Variants in HS3ST5 observed in about 807,000 individuals in gnomAD.
HS3ST5 encodes the protein heparan sulfate-glucosamine 3-sulfotransferase 5.
In HS3ST5, 10 loss-of-function variants were observed where a neutral mutation model predicts 25.4. The observed-to-expected ratio is 0.39, with a 90% CI of 0.24 to 0.67. The LOEUF (loss-of-function observed/expected upper bound fraction) is 0.67, where lower values mean the gene tolerates loss of function less well. HS3ST5 is among the 30% of genes least tolerant of loss of function. The pLI is 0.44. For synonymous variants in HS3ST5, 170 were observed against 162.4 expected (o/e 1.05, Z -0.36); for missense variants, 324 against 420.7 (o/e 0.77, Z 2.01).
At chr6:114,076,166 A>C (rs1774118971) in intron 3 of HS3ST5, among the ~76,000 whole-genome samples, 1 of 152,188 alleles carries the variant, frequency 6.6e-6, no homozygotes, top group Non-Finnish European at 1.5e-5. Context: ...TCTCCATTTC[A>C]TGTTCCCTTC....
chr6:114,216,405 G>A (rs1472348803), intron 2 of HS3ST5, among the ~76,000 whole-genome samples: 1 of 152,118 alleles, frequency 6.6e-6, no homozygotes, highest in African/African-American at 2.4e-5. Context: ...TTTATACTCT[G>A]TGGTCCCAAA....
chr6:114,200,794 C>T (rs1454196652), intron 2 of HS3ST5, among the ~76,000 whole-genome samples: 2 of 152,096 alleles, frequency 1.3e-5, no homozygotes, highest in Non-Finnish European at 2.9e-5. Context: ...GAAAAAGAGA[C>T]AAAATAACAA....
chr6:114,283,408 T>A (rs1051284137), intron 1 of HS3ST5, among the ~76,000 whole-genome samples: 1 of 152,008 alleles, frequency 6.6e-6, no homozygotes, highest in African/African-American at 2.4e-5. Flanking sequence ...ATATAAATGC[T>A]ATCAAGACTA....
intron 3 of HS3ST5, among the ~76,000 whole-genome samples, chr6:114,136,599 A>G (rs1777627518): frequency 6.6e-6 from 1 of 152,214 alleles, no homozygotes; most frequent in Admixed American, 6.5e-5. Context: ...CATTAACTTG[A>G]AATCCTTCAG....
chr6:114,068,294 G>C (rs144101671), intron 3 of HS3ST5, among the ~76,000 whole-genome samples: 3 of 152,222 alleles, frequency 2.0e-5, no homozygotes, highest in Non-Finnish European at 4.4e-5. Flanking sequence ...TGCCAAGCCA[G>C]AAGTTTCTAA....
chr6:114,318,301 C>T (rs915859773), intron 1 of HS3ST5, among the ~76,000 whole-genome samples: 2 of 152,180 alleles, frequency 1.3e-5, no homozygotes, highest in African/African-American at 4.8e-5. Flanking sequence ...AACTCAACTT[C>T]AATCCCTTCA....
At chr6:114,341,258 A>AGAGAGAGAGAGAGT (rs1562281461) in intron 1 of HS3ST5, among the ~76,000 whole-genome samples, 6 of 147,844 alleles carry the variant, frequency 4.1e-5, no homozygotes, top group African/African-American at 1.5e-4. Flanking sequence ...AGAGAGAGAG[A>AGAGAGAGAGAGAGT]GAGTGAGTCC....
intron 3 of HS3ST5, among the ~76,000 whole-genome samples, chr6:114,156,441 T>G (rs1270877683): frequency 6.6e-6 from 1 of 152,254 alleles, no homozygotes; most frequent in Non-Finnish European, 1.5e-5. Context: ...ATTTTGTAGT[T>G]GTGCTTAAGT....
At chr6:114,341,120 C>T (rs1351097985) in intron 1 of HS3ST5, among the ~76,000 whole-genome samples, 1 of 136,008 alleles carries the variant, frequency 7.4e-6, no homozygotes, top group Non-Finnish European at 1.6e-5. Context: ...TAAGAAGAAA[C>T]TGGTATTCGT....
intron 1 of HS3ST5, among the ~76,000 whole-genome samples, chr6:114,245,856 G>A (rs1183356369): frequency 6.6e-6 from 1 of 152,172 alleles, no homozygotes; most frequent in Non-Finnish European, 1.5e-5. Flanking sequence ...ATACATGTGG[G>A]ACCCAAACCC....
intron 3 of HS3ST5, among the ~76,000 whole-genome samples, chr6:114,162,934 C>T (rs1330157389): frequency 2.0e-5 from 3 of 152,134 alleles, no homozygotes; most frequent in African/African-American, 7.2e-5. Flanking sequence ...CCTGCCTTTT[C>T]TCCTTAATTA....
chr6:114,285,808 C>A (rs752560784), intron 1 of HS3ST5, among the ~76,000 whole-genome samples: 18 of 151,844 alleles, frequency 1.2e-4, no homozygotes, highest in Non-Finnish European at 2.5e-4. Flanking sequence ...GCACATGTAT[C>A]CTGGAACTTA....
chr6:114,226,257 T>C (rs904251152), intron 2 of HS3ST5, among the ~76,000 whole-genome samples: 3 of 151,958 alleles, frequency 2.0e-5, no homozygotes, highest in Admixed American at 6.6e-5. Flanking sequence ...TTTGAAATTA[T>C]CAGTGTTTAA....
intron 1 of HS3ST5, among the ~76,000 whole-genome samples, chr6:114,320,364 C>A (rs1775915081): frequency 6.6e-6 from 1 of 152,074 alleles, no homozygotes; most frequent in Admixed American, 6.6e-5. Flanking sequence ...TCTTTATATG[C>A]TGATTCATTA....
chr6:114,306,954 A>C (rs1775322108), intron 1 of HS3ST5, among the ~76,000 whole-genome samples: 1 of 152,190 alleles, frequency 6.6e-6, no homozygotes, highest in African/African-American at 2.4e-5. Context: ...TGACCACCTC[A>C]GTATAGGCAG....
intron 2 of HS3ST5, among the ~76,000 whole-genome samples, chr6:114,224,343 T>C (rs982057759): frequency 3.3e-5 from 5 of 151,648 alleles, no homozygotes; most frequent in Admixed American, 3.3e-4. Flanking sequence ...TTTCATGATA[T>C]GGTCTATTTT....
chr6:114,207,366 T>C (rs2114409102), intron 2 of HS3ST5, among the ~76,000 whole-genome samples: 2 of 152,310 alleles, frequency 1.3e-5, no homozygotes, highest in East Asian at 3.9e-4. Context: ...ATATATATTA[T>C]GGACAAAACA....
chr6:114,098,641 G>A (rs941679863), intron 3 of HS3ST5, among the ~76,000 whole-genome samples: 1 of 151,302 alleles, frequency 6.6e-6, no homozygotes, highest in Non-Finnish European at 1.5e-5. Context: ...AATACTTGAT[G>A]AATGGGCATA....
intron 3 of HS3ST5, among the ~76,000 whole-genome samples, chr6:114,163,668 T>C (rs1054101501): frequency 1.3e-5 from 2 of 152,152 alleles, no homozygotes; most frequent in African/African-American, 2.4e-5. Context: ...ATGAACTCTT[T>C]TGAGCTGTTT....
Sources: allele counts gnomAD v4.1 joint callset (sites outside exome capture counted in the v4.1 genomes callset), GRCh38; gene constraint gnomAD v4.1.1; transcripts MANE v1.5; gene names NCBI Gene and HGNC (gene_info 2026-07-23, HGNC 2026-07-21).